RAD51B: variants seen among roughly 807,000 people sequenced by gnomAD.
RAD51B encodes DNA repair protein RAD51 homolog 2.
A neutral mutation model predicts 42.2 loss-of-function variants in RAD51B; 38 were observed. That is an observed-to-expected ratio of 0.90 (90% CI 0.70 to 1.18). RAD51B has a LOEUF of 1.18. Ranked by LOEUF, RAD51B falls within the 50% of genes most tolerant of loss-of-function variation. The probability of loss-of-function intolerance (pLI) is 0.00; values close to 1 mark genes in which losing one functional copy is unlikely to be tolerated. For synonymous variants in RAD51B, 154 were observed against 145.2 expected (o/e 1.06, Z -0.43); for missense variants, 373 against 400.7 (o/e 0.93, Z 0.59).
intron 7 of RAD51B, among the ~76,000 whole-genome samples, chr14:68,239,670 T>G (rs564146909): frequency 1.1e-4 from 17 of 152,304 alleles, no homozygotes; most frequent in Middle Eastern, 3.4e-3. Context: ...GCCCCAGTTC[T>G]GAGACCCTGG....
intron 7 of RAD51B, among the ~76,000 whole-genome samples, chr14:68,206,183 A>G (rs1392369212): frequency 6.6e-6 from 1 of 152,188 alleles, no homozygotes; most frequent in Admixed American, 6.5e-5. Context: ...GAATCAGGTT[A>G]TGCCTTGTCA....
At chr14:68,415,059 A>AAAAAT in intron 9 of RAD51B, among the ~76,000 whole-genome samples, 1 of 148,130 alleles carries the variant, frequency 6.8e-6, no homozygotes, top group Non-Finnish European at 1.5e-5. Flanking sequence ...AAAAAAAAAA[A>AAAAAT]TCAGTGGTTC....
chr14:68,356,434 C>CA (rs55768026), intron 8 of RAD51B, among the ~76,000 whole-genome samples: 3,944 of 106,122 alleles, frequency 0.037, 140 homozygotes, highest in African/African-American at 0.13. Context: ...GACTCCGTCT[C>CA]AAAAAAAAAA....
At chr14:68,323,868 A>G (rs1265880680) in intron 8 of RAD51B, among the ~76,000 whole-genome samples, 1 of 152,112 alleles carries the variant, frequency 6.6e-6, no homozygotes, top group African/African-American at 2.4e-5. Flanking sequence ...GAGTGGAGGC[A>G]TTTTTCTGGA....
At chr14:68,550,575 T>G (rs1338143279) in intron 10 of RAD51B, among the ~76,000 whole-genome samples, 1 of 152,260 alleles carries the variant, frequency 6.6e-6, no homozygotes, top group Admixed American at 6.5e-5. Flanking sequence ...CCTGTTGGAA[T>G]GTAAATGAAT....
At chr14:68,381,444 G>A (rs1015154228) in intron 8 of RAD51B, among the ~76,000 whole-genome samples, 1 of 152,154 alleles carries the variant, frequency 6.6e-6, no homozygotes, top group Admixed American at 6.5e-5. Context: ...GGGAGGCCGA[G>A]GCAGGCAGAT....
chr14:68,484,518 C>T (rs1285606421), intron 10 of RAD51B, among the ~76,000 whole-genome samples: 9 of 151,930 alleles, frequency 5.9e-5, no homozygotes, highest in African/African-American at 1.9e-4. Context: ...CCACCACGCC[C>T]GGCTAATTTT....
chr14:67,831,658 C>T (rs8010086), intron 3 of RAD51B, among the ~76,000 whole-genome samples: 55,231 of 151,764 alleles, frequency 0.36, 10,653 homozygotes, highest in Middle Eastern at 0.47. Context: ...TGCCTCAGCC[C>T]CCTGAGTAGC....
chr14:68,678,713 G>A (rs1007137629), intron 11 of RAD51B, among the ~76,000 whole-genome samples: 16 of 152,294 alleles, frequency 1.1e-4, no homozygotes, highest in African/African-American at 3.8e-4. Context: ...GGGCACAGAG[G>A]TCTCCAAGCC....
At chr14:68,082,049 C>T (rs1369050844) in intron 7 of RAD51B, among the ~76,000 whole-genome samples, 1 of 151,974 alleles carries the variant, frequency 6.6e-6, no homozygotes, top group Non-Finnish European at 1.5e-5. Flanking sequence ...CAACCTCCAC[C>T]TTCTGGATTC....
At chr14:67,944,813 C>G (rs2045334087) in intron 7 of RAD51B, among the ~76,000 whole-genome samples, 1 of 152,146 alleles carries the variant, frequency 6.6e-6, no homozygotes, top group Admixed American at 6.5e-5. Context: ...ACTGGAAATA[C>G]TATAGTGTCC....
At chr14:68,099,918 G>C (rs11851991) in intron 7 of RAD51B, among the ~76,000 whole-genome samples, 12,652 of 152,210 alleles carry the variant, frequency 0.083, 1,552 homozygotes, top group African/African-American at 0.27. Context: ...CTGGAAGGTG[G>C]CAGCTCACTT....
At chr14:68,229,448 G>A (rs1415080553) in intron 7 of RAD51B, among the ~76,000 whole-genome samples, 5 of 152,182 alleles carry the variant, frequency 3.3e-5, no homozygotes, top group African/African-American at 1.2e-4. Context: ...AGCAGTGCAA[G>A]TAAAAGTGTG....
chr14:68,648,728 T>C (rs1189415905), intron 10 of RAD51B, among the ~76,000 whole-genome samples: 1 of 131,598 alleles, frequency 7.6e-6, no homozygotes, highest in Non-Finnish European at 1.7e-5. Flanking sequence ...GAAAAACAAG[T>C]TATTCAACTT....
chr14:68,518,558 C>CG (rs1398689599), intron 10 of RAD51B, among the ~76,000 whole-genome samples: 3 of 150,536 alleles, frequency 2.0e-5, no homozygotes, highest in East Asian at 2.0e-4. Context: ...ATATGAGCCC[C>CG]CCCCCCAGGC....
intron 8 of RAD51B, among the ~76,000 whole-genome samples, chr14:68,396,495 G>C (rs1327948899): frequency 6.6e-6 from 1 of 152,170 alleles, no homozygotes; most frequent in Non-Finnish European, 1.5e-5. Context: ...TCATAAAATA[G>C]TGAAACATCC....
At chr14:68,048,416 C>A (rs1461913452) in intron 7 of RAD51B, among the ~76,000 whole-genome samples, 1 of 152,134 alleles carries the variant, frequency 6.6e-6, no homozygotes, top group Admixed American at 6.5e-5. Context: ...ATAGTAGTTT[C>A]TTTTGCTGTG....
chr14:67,946,356 TTTGTTGTTG>T (rs573559598), intron 7 of RAD51B, among the ~76,000 whole-genome samples: 3 of 151,726 alleles, frequency 2.0e-5, no homozygotes, highest in Non-Finnish European at 2.9e-5. Context: ...GTTCCTCTTT[TTTGTTGTTG>T]TTGTTGTTGT....
chr14:68,396,523 T>C (rs1254559048), intron 8 of RAD51B, among the ~76,000 whole-genome samples: 2 of 152,202 alleles, frequency 1.3e-5, no homozygotes, highest in African/African-American at 4.8e-5. Context: ...CAGAAAGATA[T>C]ATGATCATGT....
Sources: allele counts gnomAD v4.1 joint callset (sites outside exome capture counted in the v4.1 genomes callset), GRCh38; gene constraint gnomAD v4.1.1; transcripts MANE v1.5; gene names NCBI Gene and HGNC (gene_info 2026-07-23, HGNC 2026-07-21).